Variants in ARHGAP12 observed in about 807,000 individuals in gnomAD.
The protein encoded by ARHGAP12 is Rho GTPase activating protein 12.
A neutral mutation model predicts 108.6 loss-of-function variants in ARHGAP12; 64 were observed. That is an observed-to-expected ratio of 0.59 (90% CI 0.48 to 0.73). The LOEUF (loss-of-function observed/expected upper bound fraction) is 0.73. Among genes scored for constraint, ARHGAP12 ranks in the 30% least tolerant of loss-of-function variants. ARHGAP12 has a pLI of 0.00. For missense variants in ARHGAP12, 940 were observed against 1,005.9 expected (o/e 0.93, Z 0.89); for synonymous variants, 312 against 337.2 (o/e 0.93, Z 0.82).
At chr10:31,847,076 A>G (rs770968112) in intron 6 of ARHGAP12, among the ~76,000 whole-genome samples, 4 of 151,760 alleles carry the variant, frequency 2.6e-5, no homozygotes, top group Admixed American at 6.6e-5. Flanking sequence ...TTTTCTGTAT[A>G]TCTTCTATTT....
chr10:31,836,724 G>A (rs531301616), intron 9 of ARHGAP12, among the ~76,000 whole-genome samples: 12 of 152,228 alleles, frequency 7.9e-5, no homozygotes, highest in African/African-American at 2.4e-4. Flanking sequence ...AACTGGGTAC[G>A]AGTGAGAAAG....
chr10:31,912,788 A>G (rs1157640668), intron 1 of ARHGAP12, among the ~76,000 whole-genome samples: 1 of 152,198 alleles, frequency 6.6e-6, no homozygotes, highest in Non-Finnish European at 1.5e-5. Context: ...AAGAGAAACT[A>G]TTAAAATTAT....
At chr10:31,815,048 G>A (rs1835150885) in intron 13 of ARHGAP12, among the ~76,000 whole-genome samples, 1 of 151,350 alleles carries the variant, frequency 6.6e-6, no homozygotes, top group Non-Finnish European at 1.5e-5. Flanking sequence ...GTGAACCTGG[G>A]AGGCAGAGGT....
chr10:31,813,808 T>C (rs1835102788), intron 14 of ARHGAP12, among the ~76,000 whole-genome samples: 1 of 152,222 alleles, frequency 6.6e-6, no homozygotes, highest in Admixed American at 6.5e-5. Context: ...TAGAAACGCT[T>C]GCATCTGTTT....
chr10:31,924,366 G>T (rs1375548864), intron 1 of ARHGAP12, among the ~76,000 whole-genome samples: 3 of 152,142 alleles, frequency 2.0e-5, no homozygotes, highest in African/African-American at 7.2e-5. Flanking sequence ...AAAGATCCTT[G>T]TAAGAACGGA....
At chr10:31,845,894 T>C (rs532865537) in intron 6 of ARHGAP12, among the ~76,000 whole-genome samples, 1 of 152,344 alleles carries the variant, frequency 6.6e-6, no homozygotes, top group South Asian at 2.1e-4. Context: ...TTTAGAGCAT[T>C]TACATTTAAT....
At chr10:31,863,966 A>T (rs192996345) in intron 3 of ARHGAP12, among the ~76,000 whole-genome samples, 1 of 152,290 alleles carries the variant, frequency 6.6e-6, no homozygotes, top group East Asian at 1.9e-4. Flanking sequence ...ATTGAAGTAT[A>T]TTATGGTCTA....
chr10:31,817,194 G>A (rs1291873400), intron 13 of ARHGAP12, among the ~76,000 whole-genome samples: 2 of 151,820 alleles, frequency 1.3e-5, no homozygotes, highest in Admixed American at 6.6e-5. Flanking sequence ...GGGTGATGGC[G>A]AGACTCTGTT....
intron 1 of ARHGAP12, among the ~76,000 whole-genome samples, chr10:31,917,991 T>C (rs775892008): frequency 6.6e-6 from 1 of 151,922 alleles, no homozygotes; most frequent in Non-Finnish European, 1.5e-5. Flanking sequence ...GGTCTCATTC[T>C]GTCACTTAGG....
intron 3 of ARHGAP12, among the ~76,000 whole-genome samples, chr10:31,864,998 G>C (rs1837269533): frequency 6.6e-6 from 1 of 152,118 alleles, no homozygotes. Flanking sequence ...AAAAGTTGGG[G>C]AAACAGCAGG....
chr10:31,809,565 G>A, intron 16 of ARHGAP12: 1 of 306,390 alleles, frequency 3.3e-6, no homozygotes, highest in African/African-American at 2.2e-5. Flanking sequence ...TCAAGGAAAT[G>A]GTTTCATTAA....
At chr10:31,862,486 T>G (rs1451856183) in intron 3 of ARHGAP12, among the ~76,000 whole-genome samples, 3 of 152,164 alleles carry the variant, frequency 2.0e-5, no homozygotes, top group Non-Finnish European at 4.4e-5. Context: ...GAACTTCAGT[T>G]GCTGAAGAAA....
chr10:31,910,870 ACATCT>A (rs779772027), intron 1 of ARHGAP12, among the ~76,000 whole-genome samples: 17 of 152,182 alleles, frequency 1.1e-4, no homozygotes, highest in Non-Finnish European at 2.1e-4. Context: ...TATACAACAA[ACATCT>A]CTTCTATTAT....
At chr10:31,826,197 C>T (rs1456960953) in intron 11 of ARHGAP12, 107 bp downstream of exon 11, 4 of 745,482 alleles carry the variant, frequency 5.4e-6, no homozygotes, top group African/African-American at 3.6e-5. Flanking sequence ...TTTATTTGCA[C>T]ACTAGCTATA....
intron 4 of ARHGAP12, among the ~76,000 whole-genome samples, chr10:31,855,633 T>C (rs922661181): frequency 6.6e-6 from 1 of 152,212 alleles, no homozygotes; most frequent in African/African-American, 2.4e-5. Context: ...TTTTATTTAA[T>C]TGAGGCAACT....
intron 14 of ARHGAP12, among the ~76,000 whole-genome samples, chr10:31,813,145 T>C (rs972965868): frequency 2.0e-5 from 3 of 152,138 alleles, no homozygotes; most frequent in Admixed American, 6.5e-5. Context: ...TAACTACTTA[T>C]CTTTATTGAT....
chr10:31,853,820 T>C (rs1450125345), intron 5 of ARHGAP12, among the ~76,000 whole-genome samples: 4 of 152,162 alleles, frequency 2.6e-5, no homozygotes, highest in Non-Finnish European at 5.9e-5. Context: ...ACAAATGACA[T>C]TCAACAGGTG....
chr10:31,819,101 A>T (rs1314914765), intron 12 of ARHGAP12, among the ~76,000 whole-genome samples: 1 of 151,936 alleles, frequency 6.6e-6, no homozygotes, highest in Non-Finnish European at 1.5e-5. Context: ...AATAATTGAC[A>T]AATGATAACC....
At position 31,839,557 on chromosome 10, in the gene ARHGAP12, T is replaced by C. The variant is rs796535136; in HGVS notation, c.1371+80A>G. ...ATTTAATAGAAGCTCATTTAAACAT[T>C]ACATTAAGAGTAAATTAACTTGCTA... is the stretch of plus-strand genomic sequence containing the variant. On this transcript the variant is annotated intron_variant, in intron 8 of 19. Transcript: ENST00000344936. The C allele has an allele frequency of 6.1e-6, 8 of 1,313,892 alleles. No individual in the cohort carries two copies. In the African/African-American group the frequency reaches 1.2e-4, roughly 20 times the overall value. 81.4% of individuals were successfully genotyped at this position (1,313,892 alleles called of 1,614,324 possible).
Sources: allele counts gnomAD v4.1 joint callset (sites outside exome capture counted in the v4.1 genomes callset), GRCh38; gene constraint gnomAD v4.1.1; transcripts MANE v1.5; gene names NCBI Gene and HGNC (gene_info 2026-07-23, HGNC 2026-07-21).